DOK6: variants seen among roughly 807,000 people sequenced by gnomAD.
The protein encoded by DOK6 is docking protein 6.
A neutral mutation model predicts 44.0 loss-of-function variants in DOK6; 22 were observed. That is an observed-to-expected ratio of 0.50 (90% CI 0.36 to 0.71). The LOEUF is 0.71. Ranked by LOEUF, DOK6 falls within the 30% of genes least tolerant of loss-of-function variation. DOK6 has a pLI of 0.00. For synonymous variants in DOK6, 166 were observed against 145.5 expected (o/e 1.14, Z -1.01); for missense variants, 340 against 416.4 (o/e 0.82, Z 1.60).
In DOK6 at chr18:69,400,900, G is replaced by C. The variant is rs1916079636; in HGVS notation, c.-345G>C. ...GCTCCGGCCAGCTGTGCGCCGCCGAGCGAGGCGCCAGCCCGTGGGTGCTGC... is the reference window on the plus strand; with the variant it reads ...GCTCCGGCCAGCTGTGCGCCGCCGACCGAGGCGCCAGCCCGTGGGTGCTGC... On this transcript the variant is annotated 5_prime_UTR_variant, in exon 1 of 8. Coordinates refer to ENST00000382713, the MANE Select transcript of DOK6 (RefSeq NM_152721.6). Among the ~76,000 whole-genome samples the C allele has an allele frequency of 6.8e-6, 1 of 147,788 alleles. No homozygotes were observed. The highest frequency in any genetic ancestry group is 1.5e-5 in the Non-Finnish European group (1 of 66,336).
chr18:69,480,055 G>A (rs923426509), intron 1 of DOK6, among the ~76,000 whole-genome samples: 1 of 151,970 alleles, frequency 6.6e-6, no homozygotes, highest in African/African-American at 2.4e-5. Context: ...CTATTTGTTG[G>A]CATATTAATA....
At chr18:69,801,085 TTTTG>T (rs1227498766) in intron 7 of DOK6, among the ~76,000 whole-genome samples, 544 of 52,984 alleles carry the variant, frequency 0.01, 4 homozygotes, top group East Asian at 0.04. Context: ...TTTACTTTGA[TTTTG>T]TTTTGTTTTG....
At chr18:69,503,891 T>C (rs1194825602) in intron 1 of DOK6, among the ~76,000 whole-genome samples, 1 of 152,028 alleles carries the variant, frequency 6.6e-6, no homozygotes, top group African/African-American at 2.4e-5. Context: ...AATGTTATAT[T>C]CGTAGGTCTC....
chr18:69,819,709 C>A (rs977559745), intron 7 of DOK6, among the ~76,000 whole-genome samples: 1 of 152,092 alleles, frequency 6.6e-6, no homozygotes, highest in African/African-American at 2.4e-5. Context: ...ATCATTTTAC[C>A]CTGTTTCTAT....
intron 1 of DOK6, among the ~76,000 whole-genome samples, chr18:69,469,001 T>C (rs1219282224): frequency 6.6e-6 from 1 of 152,190 alleles, no homozygotes; most frequent in African/African-American, 2.4e-5. Context: ...GGAATTACTT[T>C]TGAAAATGAT....
intron 1 of DOK6, among the ~76,000 whole-genome samples, chr18:69,486,178 G>T (rs968592704): frequency 6.6e-6 from 1 of 151,708 alleles, no homozygotes; most frequent in Non-Finnish European, 1.5e-5. Context: ...CTTTTGCAGA[G>T]TATAGACATT....
rs889739683 is a variant in DOK6 at position 69,847,659 on chromosome 18, A to G, written c.*6276A>G. On this transcript the variant is annotated 3_prime_UTR_variant, in exon 8 of 8. Transcript: ENST00000382713. ...AATGATAGTAGTATCTTGATATTAAATTTGCATCAGAAATGAGCAAAATAT... is the reference window on the plus strand; with the variant it reads ...AATGATAGTAGTATCTTGATATTAAGTTTGCATCAGAAATGAGCAAAATAT... 8 of 152,140 alleles carry G rather than the reference A, an allele frequency of 5.3e-5. No individual in the cohort carries two copies. Among genetic ancestry groups the G allele is most frequent in the Non-Finnish European group, 1.0e-4 (7 of 68,036 alleles). 9.4% of individuals were successfully genotyped at this position (152,140 alleles called of 1,614,324 possible).
At chr18:69,480,982 A>G (rs1980401776) in intron 1 of DOK6, among the ~76,000 whole-genome samples, 1 of 152,150 alleles carries the variant, frequency 6.6e-6, no homozygotes, top group Non-Finnish European at 1.5e-5. Flanking sequence ...CCAAAGTGAG[A>G]GTGAAGGAAA....
intron 1 of DOK6, among the ~76,000 whole-genome samples, chr18:69,509,419 C>T (rs959740758): frequency 2.0e-5 from 3 of 151,930 alleles, no homozygotes; most frequent in South Asian, 2.1e-4. Context: ...GGGCGGATCA[C>T]GAGGTCAGGA....
chr18:69,744,690 C>G (rs141704314), intron 6 of DOK6, among the ~76,000 whole-genome samples: 221 of 152,040 alleles, frequency 1.5e-3, no homozygotes, highest in African/African-American at 4.7e-3. Context: ...TTTGGGAGGC[C>G]GAGGCGGACA....
intron 6 of DOK6, among the ~76,000 whole-genome samples, chr18:69,739,438 T>C (rs184362270): frequency 5.3e-5 from 8 of 152,304 alleles, no homozygotes; most frequent in South Asian, 2.1e-4. Context: ...AAATATGGGC[T>C]CAAAATAACT....
chr18:69,572,916 G>GA (rs1300665457), intron 2 of DOK6, among the ~76,000 whole-genome samples: 4 of 151,776 alleles, frequency 2.6e-5, no homozygotes, highest in Non-Finnish European at 5.9e-5. Context: ...TGATAGATGA[G>GA]AAAAAGACAG....
intron 2 of DOK6, among the ~76,000 whole-genome samples, chr18:69,576,426 C>A (rs1983240212): frequency 6.6e-6 from 1 of 151,776 alleles, no homozygotes; most frequent in Non-Finnish European, 1.5e-5. Flanking sequence ...TTAAAATAAT[C>A]AAATGAATGA....
At chr18:69,463,163 T>C (rs1419464450) in intron 1 of DOK6, among the ~76,000 whole-genome samples, 4 of 152,102 alleles carry the variant, frequency 2.6e-5, no homozygotes, top group African/African-American at 9.7e-5. Flanking sequence ...CTTAGCTGTG[T>C]CCTCGCCATG....
At chr18:69,728,272 T>C (rs1261540257) in intron 5 of DOK6, among the ~76,000 whole-genome samples, 2 of 152,228 alleles carry the variant, frequency 1.3e-5, no homozygotes, top group East Asian at 3.8e-4. Context: ...TCCAGAATTT[T>C]CACTCAGCTA....
At chr18:69,474,394 ACT>A (rs1183456811) in intron 1 of DOK6, among the ~76,000 whole-genome samples, 2 of 152,074 alleles carry the variant, frequency 1.3e-5, no homozygotes, top group Non-Finnish European at 2.9e-5. Context: ...AGATTGAATG[ACT>A]CTGATGCTGA....
intron 3 of DOK6, among the ~76,000 whole-genome samples, chr18:69,603,858 T>C (rs1285542880): frequency 6.6e-6 from 1 of 151,826 alleles, no homozygotes; most frequent in East Asian, 1.9e-4. Flanking sequence ...TTAAAATGCA[T>C]GTATTTGTGA....
At chr18:69,685,964 T>A (rs886601037) in intron 4 of DOK6, among the ~76,000 whole-genome samples, 4 of 152,190 alleles carry the variant, frequency 2.6e-5, no homozygotes, top group Non-Finnish European at 5.9e-5. Context: ...AAAATGTATA[T>A]GTTGAAGTCC....
At chr18:69,827,414 C>T (rs904294186) in intron 7 of DOK6, among the ~76,000 whole-genome samples, 1 of 151,934 alleles carries the variant, frequency 6.6e-6, no homozygotes, top group Non-Finnish European at 1.5e-5. Flanking sequence ...AAATTTTGTT[C>T]CTGATGATCA....
Sources: gnomAD v4.1 joint callset for allele counts (sites outside exome capture counted in the v4.1 genomes callset) on GRCh38, gnomAD v4.1.1 for gene constraint, MANE v1.5 for transcripts, NCBI Gene and HGNC (gene_info 2026-07-23, HGNC 2026-07-21) for gene names.